The following IMMP2L variants were observed in gnomAD, a reference collection of about 807,000 sequenced individuals.
The protein encoded by IMMP2L is inner mitochondrial membrane peptidase subunit 2, also known as mitochondrial inner membrane protease subunit 2.
Under a neutral mutation model 19.3 loss-of-function variants are expected in IMMP2L, and 18 were observed. That is an observed-to-expected ratio of 0.93 (90% CI 0.64 to 1.38). IMMP2L has a LOEUF of 1.38. IMMP2L is among the 40% of genes most tolerant of loss of function. IMMP2L has a pLI of 0.00. For missense variants in IMMP2L, 233 were observed against 218.2 expected, an observed-to-expected ratio of 1.07 and a Z score of -0.43; for synonymous variants, 76 against 73.0, an observed-to-expected ratio of 1.04 and a Z score of -0.21.
At chr7:110,807,634 A>T (rs1056913538) in intron 5 of IMMP2L, among the ~76,000 whole-genome samples, 3 of 152,098 alleles carry the variant, frequency 2.0e-5, no homozygotes, top group Non-Finnish European at 2.9e-5. Flanking sequence ...ATACATGAAG[A>T]CATATATAAT....
chr7:111,101,780 C>A (rs1051365416), intron 3 of IMMP2L, among the ~76,000 whole-genome samples: 1 of 151,346 alleles, frequency 6.6e-6, no homozygotes, highest in African/African-American at 2.4e-5. Context: ...TAAATAGTCT[C>A]AGTTAATATG....
chr7:110,882,773 G>GTT (rs72028708), intron 5 of IMMP2L, among the ~76,000 whole-genome samples: 3 of 143,608 alleles, frequency 2.1e-5, no homozygotes, highest in Admixed American at 7.0e-5. Flanking sequence ...TTTTTCTTTT[G>GTT]TTTTTTTTTT....
At chr7:110,915,617 C>A (rs928359291) in intron 4 of IMMP2L, among the ~76,000 whole-genome samples, 1 of 152,158 alleles carries the variant, frequency 6.6e-6, no homozygotes, top group Non-Finnish European at 1.5e-5. Context: ...TAAGTGTACT[C>A]ACTGAGGACC....
chr7:110,739,844 C>G (rs552117096), intron 5 of IMMP2L, among the ~76,000 whole-genome samples: 223 of 152,112 alleles, frequency 1.5e-3, no homozygotes, highest in African/African-American at 5.2e-3. Context: ...TTAAGAAAAT[C>G]AAAATTATAT....
At chr7:111,176,620 T>C (rs530763344) in intron 3 of IMMP2L, among the ~76,000 whole-genome samples, 57 of 152,038 alleles carry the variant, frequency 3.7e-4, no homozygotes, top group African/African-American at 1.2e-3. Context: ...TATCAGAGAC[T>C]GGGAAGGGTA....
chr7:111,502,322 A>C (rs1405778075), intron 2 of IMMP2L, among the ~76,000 whole-genome samples: 3 of 152,292 alleles, frequency 2.0e-5, no homozygotes, highest in East Asian at 3.9e-4. Context: ...TCATAAAGCA[A>C]GTCCTTAGTG....
At chr7:110,860,622 T>C (rs1193923545) in intron 5 of IMMP2L, among the ~76,000 whole-genome samples, 1 of 152,146 alleles carries the variant, frequency 6.6e-6, no homozygotes, top group Non-Finnish European at 1.5e-5. Flanking sequence ...GCTCATCTCA[T>C]ACTCTACAAA....
intron 3 of IMMP2L, among the ~76,000 whole-genome samples, chr7:111,261,673 T>C (rs1817325014): frequency 6.6e-6 from 1 of 151,902 alleles, no homozygotes; most frequent in South Asian, 2.1e-4. Flanking sequence ...CTAAAGAAAA[T>C]AAAGTGAAAC....
intron 3 of IMMP2L, among the ~76,000 whole-genome samples, chr7:110,972,240 C>G (rs1006677532): frequency 4.6e-5 from 7 of 151,936 alleles, no homozygotes; most frequent in African/African-American, 1.7e-4. Flanking sequence ...AACAGCATTA[C>G]CATTTATTTG....
intron 3 of IMMP2L, among the ~76,000 whole-genome samples, chr7:111,283,020 A>G (rs1349139084): frequency 6.6e-6 from 1 of 152,142 alleles, no homozygotes; most frequent in Admixed American, 6.6e-5. Context: ...ACCTGAATAT[A>G]CATTATTTTC....
At chr7:111,451,119 A>C (rs896672705) in intron 3 of IMMP2L, among the ~76,000 whole-genome samples, 3 of 146,610 alleles carry the variant, frequency 2.0e-5, no homozygotes, top group African/African-American at 7.9e-5. Flanking sequence ...GTGGGACTGT[A>C]AACTAGTTCA....
intron 3 of IMMP2L, among the ~76,000 whole-genome samples, chr7:111,264,490 T>C (rs1164542688): frequency 6.6e-6 from 1 of 152,156 alleles, no homozygotes; most frequent in Non-Finnish European, 1.5e-5. Flanking sequence ...CTGCAGAAAC[T>C]AATTGTCTAA....
At chr7:111,436,748 T>C (rs1402005915) in intron 3 of IMMP2L, among the ~76,000 whole-genome samples, 1 of 151,904 alleles carries the variant, frequency 6.6e-6, no homozygotes, top group Non-Finnish European at 1.5e-5. Flanking sequence ...TACCTCAGAC[T>C]GGGTAATTTA....
At chr7:111,447,791 G>T (rs1251241590) in intron 3 of IMMP2L, among the ~76,000 whole-genome samples, 3 of 151,832 alleles carry the variant, frequency 2.0e-5, no homozygotes, top group African/African-American at 7.3e-5. Flanking sequence ...AGACCCATCA[G>T]TGTGCTGCAT....
At chr7:111,025,349 C>T (rs947374433) in intron 3 of IMMP2L, among the ~76,000 whole-genome samples, 2 of 152,008 alleles carry the variant, frequency 1.3e-5, no homozygotes, top group African/African-American at 2.4e-5. Context: ...TTGGTAAATC[C>T]TAGAGTTTTA....
intron 3 of IMMP2L, among the ~76,000 whole-genome samples, chr7:110,995,378 G>C (rs1159220762): frequency 6.6e-6 from 1 of 152,068 alleles, no homozygotes; most frequent in Non-Finnish European, 1.5e-5. Flanking sequence ...GTTATTTATT[G>C]ATCATATTTG....
intron 3 of IMMP2L, among the ~76,000 whole-genome samples, chr7:111,029,307 C>G (rs1408051718): frequency 6.6e-6 from 1 of 152,110 alleles, no homozygotes; most frequent in Admixed American, 6.6e-5. Context: ...CTGGGAGCAA[C>G]AGAGATGAGA....
At position 111,339,285 on chromosome 7, in the gene IMMP2L, C is replaced by A. The variant is rs540341310; in HGVS notation, c.239+147953G>T. ...CAGCAGATCTCTCTCCTCCCTGGTTCATTTAGCACCAGCCATGAAGCTAAG... is the reference window on the plus strand; with the variant it reads ...CAGCAGATCTCTCTCCTCCCTGGTTAATTTAGCACCAGCCATGAAGCTAAG... On this transcript the variant is annotated intron_variant, in intron 3 of 5. Coordinates refer to ENST00000405709, the MANE Select transcript of IMMP2L (RefSeq NM_032549.4). 2.6e-3 allele frequency among the ~76,000 whole-genome samples: 396 copies of A among 151,976 alleles called. 3 individuals carry two copies. Among genetic ancestry groups the A allele is most frequent in the African/African-American group, 9.3e-3 (388 of 41,500 alleles).
intron 3 of IMMP2L, among the ~76,000 whole-genome samples, chr7:111,151,534 A>C: frequency 6.6e-6 from 1 of 152,204 alleles, no homozygotes; most frequent in East Asian, 1.9e-4. Flanking sequence ...GGACATAACC[A>C]AATGTAAAAT....
Sources: allele counts gnomAD v4.1 joint callset (sites outside exome capture counted in the v4.1 genomes callset), GRCh38; gene constraint gnomAD v4.1.1; transcripts MANE v1.5; gene names NCBI Gene and HGNC (gene_info 2026-07-23, HGNC 2026-07-21).